ZNF827: variants seen among roughly 807,000 people sequenced by gnomAD.
The protein encoded by ZNF827 is zinc finger protein 827.
In ZNF827, 13 loss-of-function variants were observed where a neutral mutation model predicts 102.4. The ratio of observed to expected loss-of-function variants is 0.13; its 90% CI spans 0.08 to 0.20. The LOEUF is 0.20. ZNF827 is among the 10% of genes least tolerant of loss of function. The probability of loss-of-function intolerance (pLI) is 1.00; values close to 1 mark genes in which losing one functional copy is unlikely to be tolerated. For synonymous variants in ZNF827, 523 were observed against 536.2 expected, an observed-to-expected ratio of 0.98 and a Z score of 0.34; for missense variants, 1,103 against 1,344.4, an observed-to-expected ratio of 0.82 and a Z score of 2.81.
intron 2 of ZNF827, among the ~76,000 whole-genome samples, chr4:145,900,381 T>G (rs1751317758): frequency 6.6e-6 from 1 of 152,096 alleles, no homozygotes; most frequent in African/African-American, 2.4e-5. Flanking sequence ...TAACTAGATA[T>G]GCAGAATATA....
chr4:145,858,130 TGTGA>T (rs1401759916), intron 5 of ZNF827, among the ~76,000 whole-genome samples: 1 of 99,932 alleles, frequency 1.0e-5, no homozygotes. Flanking sequence ...TGTGTGCATG[TGTGA>T]GTGTGTGTGT....
intron 9 of ZNF827, among the ~76,000 whole-genome samples, chr4:145,777,064 G>A (rs1432942050): frequency 2.0e-5 from 3 of 152,152 alleles, no homozygotes; most frequent in African/African-American, 7.2e-5. Flanking sequence ...TGGCTTAAAG[G>A]AAATACCTGT....
intron 5 of ZNF827, among the ~76,000 whole-genome samples, chr4:145,857,834 G>A (rs1402086517): frequency 6.6e-6 from 1 of 151,900 alleles, no homozygotes; most frequent in Admixed American, 6.6e-5. Flanking sequence ...TAGCTAAAGA[G>A]GTGCATTTGA....
intron 7 of ZNF827, 85 bp downstream of exon 7, chr4:145,845,871 A>T: frequency 7.3e-6 from 10 of 1,369,600 alleles, no homozygotes; most frequent in Non-Finnish European, 1.0e-5. Flanking sequence ...TGGGAGAAAG[A>T]GGTTTGGGGA....
At chr4:145,909,429 T>C (rs1752107745) in intron 1 of ZNF827, among the ~76,000 whole-genome samples, 1 of 152,230 alleles carries the variant, frequency 6.6e-6, no homozygotes. Flanking sequence ...TCGCCTCTAG[T>C]CTCTTCCTCT....
chr4:145,843,817 G>A (rs367657433), intron 7 of ZNF827, among the ~76,000 whole-genome samples: 9 of 152,258 alleles, frequency 5.9e-5, no homozygotes, highest in Admixed American at 3.3e-4. Flanking sequence ...ATTACTTGAA[G>A]CTAGTGAACC....
chr4:145,797,895 G>A (rs902286698), intron 8 of ZNF827, among the ~76,000 whole-genome samples: 4 of 152,082 alleles, frequency 2.6e-5, no homozygotes, highest in South Asian at 2.1e-4. Context: ...AAGTTAGTCT[G>A]AATAATGTTC....
intron 1 of ZNF827, among the ~76,000 whole-genome samples, chr4:145,925,131 G>T (rs1328148452): frequency 6.6e-6 from 1 of 152,112 alleles, no homozygotes; most frequent in Non-Finnish European, 1.5e-5. Context: ...GATCTCATGA[G>T]ACTATTCACT....
chr4:145,779,396 G>A lies in ZNF827; in HGVS notation c.2499C>T (p.Ser833=). The part of the protein sequence containing the change: ...GKVFGRQQTL[S]RHLSLHTEER... The stretch of plus-strand genomic sequence containing the variant: ...CACCTGTGTGCAGCGAGAGGTGTCG[G>A]GACAATGTCTGCTGTCGGCCAAACA... Residue 833 remains serine (S), a synonymous_variant, in exon 9 of 15, where the codon TCC becomes TCT. Transcript: ENST00000508784. 6.2e-7 allele frequency: 1 copy of A among 1,614,112 alleles called. No individual in the cohort carries two copies. The highest frequency in any genetic ancestry group is 8.5e-7 in the Non-Finnish European group (1 of 1,179,996).
Position 145,910,292 on chromosome 4 carries a change from C to T in ZNF827, c.44-7077G>A, listed in dbSNP as rs560627574. 2.0e-4 allele frequency among the ~76,000 whole-genome samples: 30 copies of T among 152,264 alleles called. No homozygotes were observed. In the East Asian group the frequency reaches 2.7e-3, roughly 14 times the overall value. The stretch of plus-strand genomic sequence containing the variant: ...AGTGAGTTCGAAAAAGTAGCTAAGT[C>T]AGTTTCAGTATTCTTCATATAAAGT... On this transcript the variant is annotated intron_variant, in intron 1 of 14. Coordinates refer to ENST00000508784, the MANE Select transcript of ZNF827 (RefSeq NM_001306215.2).
Position 145,885,816 on chromosome 4 carries a change from T to C in ZNF827, c.1609A>G (p.Thr537Ala). The C allele has an allele frequency of 6.2e-7, 1 of 1,613,952 alleles. No individual in the cohort carries two copies. Among genetic ancestry groups the C allele is most frequent in the Non-Finnish European group, 8.5e-7 (1 of 1,179,918 alleles). Residue 537 changes from threonine to alanine, a missense_variant, in exon 4 of 15, where the codon ACT becomes GCT. Physicochemically the swap from Thr to Ala is moderately conservative, Grantham distance 58. This residue lies in a region of ZNF827 where 157 missense variants were observed against 211.7 expected (regional missense o/e 0.74). Coordinates refer to ENST00000508784, the MANE Select transcript of ZNF827 (RefSeq NM_001306215.2). ...GCGGGCCTGTCGGCAGCATTCAAAG[T>C]AAAGGAGGTGGGCAGGCCGTTATCT... ...KEDNGLPTSFTLNAADRPANH... is the reference protein window; with the variant it reads ...KEDNGLPTSFALNAADRPANH...
chr4:145,860,326 T>C lies in ZNF827; in HGVS notation c.1981+9919A>G, dbSNP rs1300379607. Among the ~76,000 whole-genome samples the C allele has an allele frequency of 2.0e-5, 3 of 152,188 alleles. No homozygotes were observed. In the East Asian group the frequency reaches 5.8e-4, roughly 29 times the overall value. On this transcript the variant is annotated intron_variant, in intron 5 of 14. Transcript: ENST00000508784. ...CACGCATGTGGACCACAGGGAGCTC[T>C]GTAAGGCTGTCCCCATAAACGCCCT...
intron 5 of ZNF827, among the ~76,000 whole-genome samples, chr4:145,865,808 A>T (rs150117096): frequency 1.9e-4 from 29 of 152,306 alleles, no homozygotes; most frequent in Middle Eastern, 6.8e-3. Flanking sequence ...CAGCAATCCC[A>T]CATGGCTAAT....
chr4:145,809,466 CCCTTCTGGCTCACAGA>C (rs1179161765), intron 8 of ZNF827, among the ~76,000 whole-genome samples: 1 of 152,094 alleles, frequency 6.6e-6, no homozygotes, highest in Non-Finnish European at 1.5e-5. Context: ...AAAACTAATG[CCCTTCTGGCTCACAGA>C]CTGAAAACTA....
Position 145,762,722 on chromosome 4 carries a change from T to C in ZNF827, c.*17+368A>G, listed in dbSNP as rs954264200. ...GGCTGTCCAGAGGGGCCACGAGGAG[T>C]GGTGAGGCCATGTTAACAAACTCTG... On this transcript the variant is annotated intron_variant, in intron 14 of 14. Transcript: ENST00000508784. This position sits in a 1 kb window ranked among gnomAD's most constrained non-coding sequence, Gnocchi z 4.9. Among the ~76,000 whole-genome samples, 1 of 151,706 alleles carries C rather than the reference T, an allele frequency of 6.6e-6. No homozygotes were observed. The highest frequency in any genetic ancestry group is 2.4e-5 in the African/African-American group (1 of 41,268).
intron 1 of ZNF827, among the ~76,000 whole-genome samples, chr4:145,915,739 C>T (rs536828485): frequency 3.9e-5 from 6 of 152,328 alleles, no homozygotes; most frequent in East Asian, 3.9e-4. Flanking sequence ...AAAATCCAAA[C>T]GTCCAGAGTC....
chr4:145,835,319 A>G (rs1425938069), intron 7 of ZNF827: 1 of 151,872 alleles, frequency 6.6e-6, no homozygotes, highest in Non-Finnish European at 1.5e-5. Context: ...TTCTTAATCA[A>G]TTCGGAGGCT....
intron 9 of ZNF827, among the ~76,000 whole-genome samples, chr4:145,778,526 C>T (rs957076144): frequency 4.6e-5 from 7 of 152,092 alleles, no homozygotes; most frequent in Non-Finnish European, 1.0e-4. Context: ...ATGGAAGGAT[C>T]ACTTGAACCC....
chr4:145,824,235 C>T (rs1000339170), intron 7 of ZNF827, among the ~76,000 whole-genome samples: 8 of 152,154 alleles, frequency 5.3e-5, no homozygotes, highest in Admixed American at 5.2e-4. Context: ...AAACCATGAC[C>T]ACAGTGAACA....
Sources: gnomAD v4.1 joint callset for allele counts (sites outside exome capture counted in the v4.1 genomes callset) on GRCh38, gnomAD v4.1.1 for gene constraint, gnomAD v4.1.1 regional missense constraint, Gnocchi (gnomAD v3.1) non-coding constraint, MANE v1.5 for transcripts, NCBI Gene and HGNC (gene_info 2026-07-23, HGNC 2026-07-21) for gene names.